CHST15: variants seen among roughly 807,000 people sequenced by gnomAD.
CHST15 encodes carbohydrate sulfotransferase 15.
In CHST15, 30 loss-of-function variants were observed where a neutral mutation model predicts 53.6. The ratio of observed to expected loss-of-function variants is 0.56; its 90% CI spans 0.42 to 0.76. The LOEUF is 0.76. CHST15 is among the 30% of genes least tolerant of loss of function. The pLI is 0.00. For missense variants in CHST15, 627 were observed against 740.5 expected (o/e 0.85, Z 1.78); for synonymous variants, 296 against 289.8 (o/e 1.02, Z -0.22).
intron 1 of CHST15, among the ~76,000 whole-genome samples, chr10:124,088,773 T>C (rs1046998670): frequency 6.6e-6 from 1 of 152,172 alleles, no homozygotes; most frequent in Non-Finnish European, 1.5e-5. Context: ...TGAACTGTCT[T>C]CCTCCCCAAC....
At chr10:124,010,700 T>C in intron 7 of CHST15, 2 of 985,476 alleles carry the variant, frequency 2.0e-6, no homozygotes, top group Non-Finnish European at 2.4e-6. Flanking sequence ...ACGTGCGGCC[T>C]GCCGAGCACA....
chr10:124,062,514 T>C (rs1376759261), intron 1 of CHST15, among the ~76,000 whole-genome samples: 1 of 152,138 alleles, frequency 6.6e-6, no homozygotes, highest in East Asian at 1.9e-4. Context: ...TTAACGGCAG[T>C]ACCGACCCCA....
chr10:124,086,551 G>GCCTGACTGCCCCTGTTCCCCA (rs1165459698), intron 1 of CHST15, among the ~76,000 whole-genome samples: 5 of 152,234 alleles, frequency 3.3e-5, no homozygotes, highest in African/African-American at 1.2e-4. Flanking sequence ...GGGCGGGTCT[G>GCCTGACTGCCCCTGTTCCCCA]CCTGACTGCC....
chr10:124,020,632 T>G lies in CHST15; in HGVS notation c.1347+624A>C, dbSNP rs529914292. 5.1e-6 allele frequency: 5 copies of G among 988,344 alleles called. No homozygotes were observed. The East Asian group carries it at 4.5e-4, about 89-fold the overall frequency. The allele number at this position is 988,344 out of a possible 1,614,324, so 61.2% of individuals were successfully genotyped here. On this transcript the variant is annotated intron_variant, in intron 6 of 7. Coordinates refer to ENST00000435907, the MANE Select transcript of CHST15 (RefSeq NM_001270764.2). ...GCCACTCTGGAACACGCAGCGGCAA[T>G]GCTCGCTGCATAAGCCCTGCTGTTG...
intron 6 of CHST15, among the ~76,000 whole-genome samples, chr10:124,014,032 A>G (rs1190119422): frequency 2.0e-5 from 3 of 152,234 alleles, no homozygotes; most frequent in Non-Finnish European, 4.4e-5. Flanking sequence ...TAAAGCCTCC[A>G]TGGCTTTCTA....
rs1946364111 is a variant in CHST15, at chr10:124,009,909, A to T, written c.*240T>A. On this transcript the variant is annotated 3_prime_UTR_variant, in exon 8 of 8. Transcript: ENST00000435907. ...TCCAGGACGCTCAGAGCAGAGCTGA[A>T]TTCTTGAGAAACTGGGGTCTCCAAT... The T allele has an allele frequency of 7.4e-7, 1 of 1,344,046 alleles. No individual in the cohort carries two copies. Among genetic ancestry groups the T allele is most frequent in the Non-Finnish European group, 9.6e-7 (1 of 1,045,116 alleles). The allele number at this position is 1,344,046 out of a possible 1,614,324, so 83.3% of individuals were successfully genotyped here.
At chr10:124,038,425 G>C in intron 5 of CHST15, 90 bp downstream of exon 5, 1 of 1,466,172 alleles carries the variant, frequency 6.8e-7, no homozygotes, top group Non-Finnish European at 9.4e-7. Context: ...TTTTCTAAAG[G>C]AGACAAAATC....
At chr10:124,041,637 G>A (rs532967887) in intron 4 of CHST15, among the ~76,000 whole-genome samples, 5 of 151,958 alleles carry the variant, frequency 3.3e-5, no homozygotes, top group Non-Finnish European at 7.4e-5. Context: ...TATTTCCATC[G>A]AAACATCACA....
At chr10:124,025,694 G>C (rs1946975580) in intron 5 of CHST15, among the ~76,000 whole-genome samples, 1 of 152,214 alleles carries the variant, frequency 6.6e-6, no homozygotes, top group Non-Finnish European at 1.5e-5. Context: ...ATGTCATTAA[G>C]TGTAGGATCT....
rs141603503 is a variant in CHST15 at position 124,074,073 on chromosome 10, T to C, written c.-513+19396A>G. Among the ~76,000 whole-genome samples the C allele has an allele frequency of 2.6e-5, 4 of 152,324 alleles. No homozygotes were observed. Among genetic ancestry groups the C allele is most frequent in the African/African-American group, 7.2e-5 (3 of 41,556 alleles). On this transcript the variant is annotated intron_variant, in intron 1 of 7. Transcript: ENST00000435907. The surrounding 1 kb of genome is among the most constrained non-coding windows in gnomAD (Gnocchi z 4.4). ...AGAGATATTTTCCACATAGTCTTTTTAGCCTCTTTCCATAGAAGACTTTCT... is the reference window on the plus strand; with the variant it reads ...AGAGATATTTTCCACATAGTCTTTTCAGCCTCTTTCCATAGAAGACTTTCT...
At chr10:124,082,794 C>G (rs190076371) in intron 1 of CHST15, among the ~76,000 whole-genome samples, 9 of 152,322 alleles carry the variant, frequency 5.9e-5, no homozygotes, top group Admixed American at 5.2e-4. Flanking sequence ...GACAGTTACA[C>G]AGAGTAAAAG....
chr10:124,012,260 G>T, intron 7 of CHST15, 73 bp downstream of exon 7: 1 of 1,535,758 alleles, frequency 6.5e-7, no homozygotes, highest in Non-Finnish European at 8.8e-7. Context: ...GTCTGCATTT[G>T]CCCCAGAGGA....
Position 124,021,478 on chromosome 10 carries a change from A to G in CHST15, c.1191-66T>C. 5 of 1,554,118 alleles carry G rather than the reference A, an allele frequency of 3.2e-6. No individual in the cohort carries two copies. In the South Asian group the frequency reaches 3.7e-5, roughly 12 times the overall value. ...ATGCAATCACACCATTTGGGCGACA[A>G]TGAAAATCAGTGTACAATTACATTA... On this transcript the variant is annotated intron_variant, in intron 5 of 7. Transcript: ENST00000435907.
intron 1 of CHST15, among the ~76,000 whole-genome samples, chr10:124,083,271 T>C (rs909830738): frequency 2.6e-5 from 4 of 152,214 alleles, no homozygotes; most frequent in Non-Finnish European, 4.4e-5. Context: ...CTTCTCACCC[T>C]TTCATCAACC....
chr10:124,062,384 A>G (rs1410846692), intron 1 of CHST15, among the ~76,000 whole-genome samples: 1 of 152,198 alleles, frequency 6.6e-6, no homozygotes, highest in Non-Finnish European at 1.5e-5. Flanking sequence ...GCCAAAACCC[A>G]GAGGCAGGTG....
rs552083906 is a variant in CHST15 at position 124,037,941 on chromosome 10, C to T, written c.1190+574G>A. Reference sequence around the variant, plus strand: ...CAGTACCAAGGAACCGTCCTGTGCCCCTGGTCAGGCCTGCTGGGGCTGAAG... The same window carrying T: ...CAGTACCAAGGAACCGTCCTGTGCCTCTGGTCAGGCCTGCTGGGGCTGAAG... On this transcript the variant is annotated intron_variant, in intron 5 of 7. Transcript: ENST00000435907. Among the ~76,000 whole-genome samples the T allele has an allele frequency of 4.6e-5, 7 of 152,194 alleles. No homozygotes were observed. In the South Asian group the frequency reaches 1.5e-3, roughly 32 times the overall value.
At chr10:124,039,902 A>G (rs1642998525) in intron 4 of CHST15, among the ~76,000 whole-genome samples, 1 of 152,244 alleles carries the variant, frequency 6.6e-6, no homozygotes, top group Admixed American at 6.5e-5. Context: ...AGACTGAGCC[A>G]GATGACTGAG....
chr10:124,024,761 G>A lies in CHST15; in HGVS notation c.1191-3349C>T, dbSNP rs1200753484. Among the ~76,000 whole-genome samples, 6 of 152,204 alleles carry A rather than the reference G, an allele frequency of 3.9e-5. No individual in the cohort carries two copies. In the South Asian group the frequency reaches 8.3e-4, roughly 21 times the overall value. ...CAATAAGTGCCAAAATCAGACACGCGTGAACCTTCAAGCAAGGTTTGGCTG... is the reference window on the plus strand; with the variant it reads ...CAATAAGTGCCAAAATCAGACACGCATGAACCTTCAAGCAAGGTTTGGCTG... On this transcript the variant is annotated intron_variant, in intron 5 of 7. Transcript: ENST00000435907. The surrounding 1 kb of genome is among the most constrained non-coding windows in gnomAD (Gnocchi z 4.0).
At chr10:124,037,771 G>T (rs1344040977) in intron 5 of CHST15, among the ~76,000 whole-genome samples, 3 of 152,152 alleles carry the variant, frequency 2.0e-5, no homozygotes, top group African/African-American at 7.2e-5. Flanking sequence ...TCTTCCTTTT[G>T]GTCTCTCAAG....
Sources: gnomAD v4.1 joint callset for allele counts (sites outside exome capture counted in the v4.1 genomes callset) on GRCh38, gnomAD v4.1.1 for gene constraint, Gnocchi (gnomAD v3.1) non-coding constraint, MANE v1.5 for transcripts, NCBI Gene and HGNC (gene_info 2026-07-23, HGNC 2026-07-21) for gene names.